CPN1: variants seen among roughly 807,000 people sequenced by gnomAD.
CPN1 encodes carboxypeptidase N catalytic chain.
Under a neutral mutation model 46.4 loss-of-function variants are expected in CPN1, and 37 were observed. The ratio of observed to expected loss-of-function variants is 0.80; its 90% CI spans 0.61 to 1.05. CPN1 has a LOEUF of 1.05. Ranked by LOEUF, CPN1 falls within the 50% of genes least tolerant of loss-of-function variation. CPN1 has a pLI of 0.00. For missense variants in CPN1, 563 were observed against 602.6 expected (o/e 0.93, Z 0.69); for synonymous variants, 224 against 235.4 (o/e 0.95, Z 0.44).
At position 100,042,493 on chromosome 10, in the gene CPN1, G is replaced by A; in HGVS notation, c.1311C>T (p.Ala437=). 1 of 1,613,884 alleles carries A rather than the reference G, an allele frequency of 6.2e-7. No homozygotes were observed. The highest frequency in any genetic ancestry group is 8.5e-7 in the Non-Finnish European group (1 of 1,180,006). The stretch of plus-strand genomic sequence containing the variant: ...TCTTTCTGGCTTGGGGCTGCACTTT[G>A]GCTCTGACTCCGTGCCTTCTGCTGG... ...RAPSRRHGVR[A]KVQPQARKKE... is the part of the protein sequence containing the mutation. The change falls in exon 9 of 9, where the codon GCC becomes GCT. Residue 437 remains alanine (A), a synonymous_variant. Transcript: ENST00000370418.
chr10:100,055,018 A>T (rs1266374769), intron 6 of CPN1, among the ~76,000 whole-genome samples: 1 of 151,774 alleles, frequency 6.6e-6, no homozygotes, highest in Non-Finnish European at 1.5e-5. Flanking sequence ...TGGGCGGATC[A>T]CCTGAGGTCA....
intron 5 of CPN1, among the ~76,000 whole-genome samples, chr10:100,062,111 A>T (rs2041422301): frequency 6.6e-6 from 1 of 152,226 alleles, no homozygotes; most frequent in African/African-American, 2.4e-5. Flanking sequence ...CCACCAACTC[A>T]GTTCTCACCA....
chr10:100,063,915 T>C (rs1014731341), intron 4 of CPN1, among the ~76,000 whole-genome samples, 190 bp from the exon 5 acceptor site: 4 of 152,092 alleles, frequency 2.6e-5, no homozygotes, highest in African/African-American at 7.2e-5. Flanking sequence ...TGTGTATATG[T>C]AGGTGGGTAT....
At chr10:100,048,932 G>T (rs1031961718) in intron 7 of CPN1, 56 bp from the exon 8 acceptor site, 1 of 1,397,982 alleles carries the variant, frequency 7.2e-7, no homozygotes, top group Non-Finnish European at 1.0e-6. Flanking sequence ...TCCCAAATAA[G>T]CTAGGGTTTT....
chr10:100,047,375 C>A (rs2041320924), intron 8 of CPN1, among the ~76,000 whole-genome samples: 1 of 152,130 alleles, frequency 6.6e-6, no homozygotes, highest in Non-Finnish European at 1.5e-5. Context: ...GACTGTAGGT[C>A]ATAAGACCCT....
chr10:100,071,056 T>C (rs1049181084), intron 2 of CPN1, among the ~76,000 whole-genome samples: 2 of 152,180 alleles, frequency 1.3e-5, no homozygotes, highest in African/African-American at 4.8e-5. Flanking sequence ...TGTGGGTTTT[T>C]CCCCCACACT....
At chr10:100,060,933 TA>T (rs1438928385) in intron 5 of CPN1, among the ~76,000 whole-genome samples, 1 of 151,798 alleles carries the variant, frequency 6.6e-6, no homozygotes, top group Non-Finnish European at 1.5e-5. Context: ...ATTCAGTCAT[TA>T]AAAAAAATAA....
chr10:100,076,592 T>C (rs535326082), intron 1 of CPN1, among the ~76,000 whole-genome samples: 1 of 152,356 alleles, frequency 6.6e-6, no homozygotes, highest in African/African-American at 2.4e-5. Context: ...CTCTAGGTTT[T>C]AGCGTAACAG....
At chr10:100,066,721 A>G (rs1024120783) in intron 3 of CPN1, among the ~76,000 whole-genome samples, 28 of 152,210 alleles carry the variant, frequency 1.8e-4, no homozygotes, top group African/African-American at 2.4e-5. Context: ...TACTGTGTTA[A>G]TGGCTCCTTC....
At chr10:100,069,342 A>T (rs1213758694) in intron 3 of CPN1, among the ~76,000 whole-genome samples, 4 of 152,082 alleles carry the variant, frequency 2.6e-5, no homozygotes, top group African/African-American at 4.8e-5. Flanking sequence ...TTAGCTGGGC[A>T]TGGTGGTGTG....
At chr10:100,067,363 G>A (rs540666364) in intron 3 of CPN1, among the ~76,000 whole-genome samples, 5 of 152,220 alleles carry the variant, frequency 3.3e-5, no homozygotes, top group East Asian at 1.9e-4. Context: ...TGATCTGCCC[G>A]CTTCTGCCTC....
At chr10:100,042,701 T>C (rs1823083614) in intron 8 of CPN1, 128 bp from the exon 9 acceptor site, 2 of 1,195,444 alleles carry the variant, frequency 1.7e-6, no homozygotes, top group South Asian at 1.3e-5. Flanking sequence ...GGTGGTGTCA[T>C]ATAGACTTGG....
In CPN1 at chr10:100,065,232, G is replaced by A. The variant is rs767121462; in HGVS notation, c.715C>T (p.Arg239Cys). ...TCAGGCGTGGGGGTGCTGGCGGTGCGGCGGACCCCTCGGACCCGGTGCTCA... is the reference window on the plus strand; with the variant it reads ...TCAGGCGTGGGGGTGCTGGCGGTGCAGCGGACCCCTCGGACCCGGTGCTCA... The part of the protein sequence containing the change: ...SFEHRVRGVR[R>C]TASTPTPDDK... Residue 239 changes from arginine to cysteine, a missense_variant, in exon 4 of 9, where the codon CGC becomes TGC. By Grantham distance (180) the Arg-to-Cys change is radical. Coordinates refer to ENST00000370418, the MANE Select transcript of CPN1 (RefSeq NM_001308.3). The A allele has an allele frequency of 6.2e-7, 1 of 1,614,068 alleles. No homozygotes were observed. The highest frequency in any genetic ancestry group is 2.2e-5 in the East Asian group (1 of 44,874).
In CPN1 at chr10:100,048,756, A is replaced by C. The variant is rs764912390; in HGVS notation, c.1230+2T>G. On this transcript the variant is annotated splice_donor_variant, in intron 8 of 8. Coordinates refer to ENST00000370418, the MANE Select transcript of CPN1 (RefSeq NM_001308.3). LOFTEE classifies it high-confidence loss of function. The stretch of plus-strand genomic sequence containing the variant: ...TGCACCGTCAAGCTCAGCCTAACTC[A>C]CCAACGTTGGTTCCGCAGGACCCAC... 2 of 1,605,524 alleles carry C rather than the reference A, an allele frequency of 1.2e-6. No individual in the cohort carries two copies. The highest frequency in any genetic ancestry group is 2.2e-5 in the South Asian group (2 of 90,872).
Position 100,042,470 on chromosome 10 carries a change from T to C in CPN1, c.1334A>G (p.Lys445Arg), listed in dbSNP as rs1187005423. The C allele has an allele frequency of 3.1e-6, 5 of 1,613,966 alleles. No individual in the cohort carries two copies. The highest frequency in any genetic ancestry group is 4.2e-6 in the Non-Finnish European group (5 of 1,180,034). ...VRAKVQPQAR[K>R]KEMEMRQLQR... ...CAGCTGCCTCATCTCCATTTCTTTC[T>C]TTCTGGCTTGGGGCTGCACTTTGGC... Residue 445 changes from lysine (K) to arginine (R), a missense_variant, in exon 9 of 9, where the codon AAG (lysine) becomes AGG (arginine). Transcript: ENST00000370418.
At position 100,042,369 on chromosome 10, in the gene CPN1, G is replaced by T; in HGVS notation, c.*58C>A. Reference sequence around the variant, plus strand: ...AGATAATAAAATAGAAAGAATGCTTGATCTGATCTGAGAGCAGGAGCAAAG... The same window carrying T: ...AGATAATAAAATAGAAAGAATGCTTTATCTGATCTGAGAGCAGGAGCAAAG... On this transcript the variant is annotated 3_prime_UTR_variant, in exon 9 of 9. Coordinates refer to ENST00000370418, the MANE Select transcript of CPN1 (RefSeq NM_001308.3). 6.3e-7 allele frequency: 1 copy of T among 1,599,602 alleles called. No homozygotes were observed. The highest frequency in any genetic ancestry group is 1.3e-5 in the African/African-American group (1 of 74,712).
intron 2 of CPN1, among the ~76,000 whole-genome samples, chr10:100,070,740 A>G (rs2041479456): frequency 1.3e-5 from 2 of 152,212 alleles, no homozygotes. Context: ...TTCTAATAAG[A>G]GTAGGGTGTT....
At chr10:100,070,446 C>A (rs2041477573) in intron 2 of CPN1, among the ~76,000 whole-genome samples, 1 of 152,086 alleles carries the variant, frequency 6.6e-6, no homozygotes, top group Non-Finnish European at 1.5e-5. Context: ...CATGCCATTG[C>A]ACTACAGCCT....
intron 5 of CPN1, among the ~76,000 whole-genome samples, chr10:100,062,624 C>T (rs1200340140): frequency 4.0e-5 from 6 of 150,748 alleles, no homozygotes; most frequent in East Asian, 1.9e-4. Context: ...AGTCTCACTC[C>T]GTTGTCCAGG....
Sources: allele counts gnomAD v4.1 joint callset (sites outside exome capture counted in the v4.1 genomes callset), GRCh38; gene constraint gnomAD v4.1.1; transcripts MANE v1.5; gene names NCBI Gene and HGNC (gene_info 2026-07-23, HGNC 2026-07-21).